The following AKAP7 variants were observed in gnomAD, a reference collection of about 807,000 sequenced individuals.
AKAP7 encodes A-kinase anchoring protein 7.
A neutral mutation model predicts 39.5 loss-of-function variants in AKAP7; 39 were observed. The observed-to-expected ratio is 0.99, with a 90% CI of 0.76 to 1.29. The LOEUF (loss-of-function observed/expected upper bound fraction) is 1.29. AKAP7 is among the 50% of genes most tolerant of loss of function. AKAP7 has a pLI of 0.00. For synonymous variants in AKAP7, 140 were observed against 139.1 expected, an observed-to-expected ratio of 1.01 and a Z score of -0.05; for missense variants, 414 against 407.7, an observed-to-expected ratio of 1.02 and a Z score of -0.13.
At chr6:131,172,919 G>A (rs1484865655) in intron 5 of AKAP7, among the ~76,000 whole-genome samples, 1 of 152,068 alleles carries the variant, frequency 6.6e-6, no homozygotes, top group Non-Finnish European at 1.5e-5. Context: ...CTTTTTGGCT[G>A]GGTGCGGCGG....
At chr6:131,275,651 T>A (rs1585226844) in intron 7 of AKAP7, among the ~76,000 whole-genome samples, 1 of 152,212 alleles carries the variant, frequency 6.6e-6, no homozygotes, top group East Asian at 1.9e-4. Context: ...CAAACATCCA[T>A]CGCATGTCTG....
chr6:131,214,443 G>A (rs1808957679), intron 6 of AKAP7, among the ~76,000 whole-genome samples: 1 of 152,030 alleles, frequency 6.6e-6, no homozygotes, highest in Non-Finnish European at 1.5e-5. Context: ...CTGAATAGAC[G>A]CTTTAGCATA....
At chr6:131,129,348 T>C in the AKAP7 span, among the ~76,000 whole-genome samples, 3 of 151,608 alleles carry the variant, frequency 2.0e-5, no homozygotes, top group South Asian at 2.1e-4. Context: ...CTTAATGACA[T>C]GAGAAATTAG....
At chr6:131,238,369 G>T (rs560085685) in intron 7 of AKAP7, among the ~76,000 whole-genome samples, 1 of 152,184 alleles carries the variant, frequency 6.6e-6, no homozygotes, top group Admixed American at 6.5e-5. Flanking sequence ...GTGCTGAAAA[G>T]AATGTATATT....
chr6:131,142,554 A>G (rs1801135352), intron 1 of AKAP7, among the ~76,000 whole-genome samples: 1 of 152,250 alleles, frequency 6.6e-6, no homozygotes, highest in African/African-American at 2.4e-5. Flanking sequence ...CAGATGATGT[A>G]CCAGAAAGCC....
At chr6:131,264,795 A>G (rs1813646997) in intron 7 of AKAP7, among the ~76,000 whole-genome samples, 1 of 152,216 alleles carries the variant, frequency 6.6e-6, no homozygotes, top group African/African-American at 2.4e-5. Context: ...TGAGGGCCTC[A>G]GGAAGCTTGT....
Position 131,165,063 on chromosome 6 carries a change from G to T in AKAP7, c.292-18G>T. 1.3e-6 allele frequency: 2 copies of T among 1,537,386 alleles called. No homozygotes were observed. Among genetic ancestry groups the T allele is most frequent in the Admixed American group, 2.2e-5 (1 of 45,390 alleles). ...CTAATCACTGGAATTTTTTTTATAT[G>T]TGTGTATGTGTTATTAGATTATAAA... is the stretch of plus-strand genomic sequence containing the variant. On this transcript the variant is annotated intron_variant, in intron 3 of 7. Transcript: ENST00000431975.
At chr6:131,274,838 C>T (rs1814605696) in intron 7 of AKAP7, among the ~76,000 whole-genome samples, 1 of 152,174 alleles carries the variant, frequency 6.6e-6, no homozygotes, top group Non-Finnish European at 1.5e-5. Context: ...CATGCATATG[C>T]CTTTCTTATG....
intron 2 of AKAP7, among the ~76,000 whole-genome samples, chr6:131,149,452 T>A (rs1001407532): frequency 6.6e-6 from 1 of 152,194 alleles, no homozygotes; most frequent in East Asian, 1.9e-4. Flanking sequence ...CTGGCCAACA[T>A]GGTGAAATCC....
In AKAP7 at chr6:131,145,354, A is replaced by G; in HGVS notation, c.89A>G (p.Asn30Ser). Residue 30 changes from asparagine (N) to serine (S), a missense_variant, in exon 2 of 8, where the codon AAT (asparagine) becomes AGT (serine). By Grantham distance (46) the Asn-to-Ser change is conservative. Transcript: ENST00000431975. ...AAAATGTCAGAGGAATTTGAAGCCA[A>G]TACTATGGATTCTCTGGTAGACATG... Reference protein sequence around the residue: ...KKKMSEEFEANTMDSLVDMPF... With the variant: ...KKKMSEEFEASTMDSLVDMPF... 2 of 1,571,072 alleles carry G rather than the reference A, an allele frequency of 1.3e-6. No individual in the cohort carries two copies. Among genetic ancestry groups the G allele is most frequent in the Non-Finnish European group, 1.7e-6 (2 of 1,155,508 alleles).
intron 1 of AKAP7, among the ~76,000 whole-genome samples, chr6:131,142,661 C>T (rs1312222315): frequency 6.6e-6 from 1 of 152,220 alleles, no homozygotes; most frequent in Non-Finnish European, 1.5e-5. Flanking sequence ...GGAGCCCCCA[C>T]CCAGAGTCTC....
At chr6:131,184,328 A>G (rs1220106010) in intron 5 of AKAP7, 2 of 633,924 alleles carry the variant, frequency 3.2e-6, no homozygotes, top group Non-Finnish European at 6.1e-6. Context: ...GGCTATATCA[A>G]GAGGAGTTCT....
intron 7 of AKAP7, among the ~76,000 whole-genome samples, chr6:131,238,735 C>T (rs1329809895): frequency 6.6e-6 from 1 of 152,122 alleles, no homozygotes; most frequent in East Asian, 1.9e-4. Context: ...GCAACCCCTG[C>T]CTTTTTTTGT....
At chr6:131,251,157 C>G (rs1409569789) in intron 7 of AKAP7, among the ~76,000 whole-genome samples, 3 of 152,318 alleles carry the variant, frequency 2.0e-5, no homozygotes, top group Non-Finnish European at 4.4e-5. Flanking sequence ...CGCTTTGCTT[C>G]TAGCAGAAGC....
chr6:131,168,664 T>C (rs1053190446), intron 4 of AKAP7, among the ~76,000 whole-genome samples: 10 of 152,218 alleles, frequency 6.6e-5, no homozygotes, highest in African/African-American at 1.9e-4. Context: ...TAAGGGATAG[T>C]GTGCTTTAAC....
At chr6:131,142,943 C>T (rs527369975) in intron 1 of AKAP7, among the ~76,000 whole-genome samples, 2 of 152,172 alleles carry the variant, frequency 1.3e-5, no homozygotes, top group African/African-American at 2.4e-5. Context: ...TTATTGTCTC[C>T]CCTGCTAGGT....
chr6:131,265,212 T>G (rs980667912), intron 7 of AKAP7, among the ~76,000 whole-genome samples: 13 of 152,124 alleles, frequency 8.5e-5, no homozygotes, highest in African/African-American at 3.1e-4. Context: ...TCGGCTCACT[T>G]TAACCTCTGC....
intron 2 of AKAP7, among the ~76,000 whole-genome samples, chr6:131,147,499 G>T (rs1273836857): frequency 6.6e-6 from 1 of 152,160 alleles, no homozygotes; most frequent in African/African-American, 2.4e-5. Context: ...ACGGCTGTTG[G>T]GGAAACCTTC....
intron 7 of AKAP7, among the ~76,000 whole-genome samples, chr6:131,235,813 T>G (rs1306862830): frequency 1.3e-5 from 2 of 152,282 alleles, no homozygotes; most frequent in Admixed American, 1.3e-4. Flanking sequence ...ATATTAGCCC[T>G]TTGTCAGATG....
Sources: allele counts gnomAD v4.1 joint callset (sites outside exome capture counted in the v4.1 genomes callset), GRCh38; gene constraint gnomAD v4.1.1; transcripts MANE v1.5; gene names NCBI Gene and HGNC (gene_info 2026-07-23, HGNC 2026-07-21).